The following XPR1 variants were observed in gnomAD, a reference collection of about 807,000 sequenced individuals.
XPR1 encodes xenotropic and polytropic retrovirus receptor 1, also known as solute carrier family 53 member 1.
A neutral mutation model predicts 87.5 loss-of-function variants in XPR1; 28 were observed. The ratio of observed to expected loss-of-function variants is 0.32; its 90% CI spans 0.24 to 0.44. The LOEUF (loss-of-function observed/expected upper bound fraction) is 0.44. Ranked by LOEUF, XPR1 falls within the 20% of genes least tolerant of loss-of-function variation. The probability of loss-of-function intolerance (pLI) is 1.00; values close to 1 mark genes in which losing one functional copy is unlikely to be tolerated. For synonymous variants in XPR1, 300 were observed against 306.1 expected (o/e 0.98, Z 0.21); for missense variants, 559 against 862.3 (o/e 0.65, Z 4.41).
At chr1:180,750,267 G>C (rs541089036) in intron 2 of XPR1, among the ~76,000 whole-genome samples, 3 of 152,218 alleles carry the variant, frequency 2.0e-5, no homozygotes, top group African/African-American at 7.2e-5. Flanking sequence ...AGAAAGAGCA[G>C]CTTTATTTCT....
rs191988276 is a variant in XPR1, at chr1:180,682,831, T to C, written c.121+420T>C. 1.1e-4 allele frequency among the ~76,000 whole-genome samples: 16 copies of C among 151,648 alleles called. No homozygotes were observed. The East Asian group carries it at 2.7e-3, about 26-fold the overall frequency. ...TGTTTACAATGGATGTGTGTGTGTG[T>C]GCGTGTGTGTGTGTGTGTGTGTAAG... On this transcript the variant is annotated intron_variant, in intron 2 of 14. Transcript: ENST00000367590.
chr1:180,773,812 G>A (rs1207872709), intron 2 of XPR1, among the ~76,000 whole-genome samples: 1 of 152,038 alleles, frequency 6.6e-6, no homozygotes, highest in Non-Finnish European at 1.5e-5. Context: ...TTGTCTATAT[G>A]TAATTAAGAG....
intron 2 of XPR1, among the ~76,000 whole-genome samples, chr1:180,720,438 A>G (rs1051463266): frequency 3.3e-5 from 5 of 152,208 alleles, no homozygotes; most frequent in African/African-American, 1.2e-4. Flanking sequence ...CATGGTAATT[A>G]TCTGTCATCC....
chr1:180,717,243 T>G (rs373876359), intron 2 of XPR1, among the ~76,000 whole-genome samples: 3 of 152,204 alleles, frequency 2.0e-5, no homozygotes, highest in African/African-American at 7.2e-5. Flanking sequence ...TCCGCCCACT[T>G]TGGCCTCCCA....
intron 2 of XPR1, among the ~76,000 whole-genome samples, chr1:180,749,666 C>T (rs1015494971): frequency 9.2e-5 from 14 of 151,690 alleles, no homozygotes; most frequent in African/African-American, 3.4e-4. Flanking sequence ...CACACACACA[C>T]ACACACACAC....
At chr1:180,834,828 A>G in intron 9 of XPR1, 46 bp from the exon 10 acceptor site, 1 of 1,567,582 alleles carries the variant, frequency 6.4e-7, no homozygotes, top group Non-Finnish European at 8.6e-7. Flanking sequence ...GACATTTAAT[A>G]CGACTTTTCT....
At chr1:180,709,200 G>A (rs952124349) in intron 2 of XPR1, among the ~76,000 whole-genome samples, 8 of 152,182 alleles carry the variant, frequency 5.3e-5, no homozygotes, top group African/African-American at 1.9e-4. Flanking sequence ...ACAGGCATGA[G>A]CCGCCGTGCC....
chr1:180,723,615 C>T (rs1658244592), intron 2 of XPR1, among the ~76,000 whole-genome samples: 1 of 152,136 alleles, frequency 6.6e-6, no homozygotes. Flanking sequence ...TAGTCCCATT[C>T]AGAAAGATAT....
At chr1:180,707,271 A>G (rs1481501606) in intron 2 of XPR1, among the ~76,000 whole-genome samples, 1 of 152,190 alleles carries the variant, frequency 6.6e-6, no homozygotes, top group African/African-American at 2.4e-5. Flanking sequence ...TTTGTTGTAT[A>G]GATTATTTCA....
rs1486052175 is a variant in XPR1 at position 180,889,105 on chromosome 1, T to C, written c.*5039T>C. 1 of 152,152 alleles carries C rather than the reference T, an allele frequency of 6.6e-6. No individual in the cohort carries two copies. Among genetic ancestry groups the C allele is most frequent in the African/African-American group, 2.4e-5 (1 of 41,426 alleles). 9.4% of individuals were successfully genotyped at this position (152,152 alleles called of 1,614,324 possible). Reference sequence around the variant, plus strand: ...TGCTTATTTATGGTGGAAGAGGAAGTGAGAACAAGATGAGAGTTTCCCTTA... The same window carrying C: ...TGCTTATTTATGGTGGAAGAGGAAGCGAGAACAAGATGAGAGTTTCCCTTA... On this transcript the variant is annotated 3_prime_UTR_variant, in exon 15 of 15. Coordinates refer to ENST00000367590, the MANE Select transcript of XPR1 (RefSeq NM_004736.4).
intron 2 of XPR1, among the ~76,000 whole-genome samples, chr1:180,736,251 A>G (rs1658727311): frequency 6.6e-6 from 1 of 152,188 alleles, no homozygotes; most frequent in Non-Finnish European, 1.5e-5. Context: ...ACCAAGATCT[A>G]GCGTTGAGAA....
chr1:180,647,560 G>A (rs1655158507), intron 1 of XPR1, among the ~76,000 whole-genome samples: 1 of 152,148 alleles, frequency 6.6e-6, no homozygotes, highest in Non-Finnish European at 1.5e-5. Context: ...TGCGTTCTAA[G>A]GAAAGCAGCC....
At chr1:180,698,306 A>G (rs1401063725) in intron 2 of XPR1, among the ~76,000 whole-genome samples, 1 of 151,794 alleles carries the variant, frequency 6.6e-6, no homozygotes, top group East Asian at 1.9e-4. Flanking sequence ...TTCAGTCTAT[A>G]TGTGTCTTTA....
At chr1:180,647,520 G>C (rs1655157462) in intron 1 of XPR1, among the ~76,000 whole-genome samples, 1 of 152,148 alleles carries the variant, frequency 6.6e-6, no homozygotes, top group Non-Finnish European at 1.5e-5. Flanking sequence ...CTTGACTACT[G>C]TAGGTTTTGT....
chr1:180,676,686 C>T (rs1481623346), intron 1 of XPR1, among the ~76,000 whole-genome samples: 1 of 152,008 alleles, frequency 6.6e-6, no homozygotes, highest in Non-Finnish European at 1.5e-5. Context: ...AGTTAATGTT[C>T]CCTGAGACAC....
chr1:180,777,279 A>G (rs146431581), intron 2 of XPR1, among the ~76,000 whole-genome samples: 1 of 152,274 alleles, frequency 6.6e-6, no homozygotes, highest in Non-Finnish European at 1.5e-5. Context: ...ACTACGTCTC[A>G]CTGGTCTCCC....
intron 2 of XPR1, among the ~76,000 whole-genome samples, chr1:180,716,681 A>T (rs959419564): frequency 4.6e-5 from 7 of 152,198 alleles, no homozygotes; most frequent in Non-Finnish European, 1.5e-5. Context: ...TCAAATTGGT[A>T]ATGTTCTAGG....
At chr1:180,756,979 A>G (rs1351780744) in intron 2 of XPR1, among the ~76,000 whole-genome samples, 2 of 152,220 alleles carry the variant, frequency 1.3e-5, no homozygotes, top group African/African-American at 4.8e-5. Context: ...GTGAGAGTTT[A>G]TTTCTGGACT....
At chr1:180,773,872 T>C (rs1648610349) in intron 2 of XPR1, among the ~76,000 whole-genome samples, 1 of 152,250 alleles carries the variant, frequency 6.6e-6, no homozygotes, top group Non-Finnish European at 1.5e-5. Flanking sequence ...ATTAATCGAA[T>C]AGAATGTGTT....
Sources: gnomAD v4.1 joint callset for allele counts (sites outside exome capture counted in the v4.1 genomes callset) on GRCh38, gnomAD v4.1.1 for gene constraint, MANE v1.5 for transcripts, NCBI Gene and HGNC (gene_info 2026-07-23, HGNC 2026-07-21) for gene names.